The following PAPPA2 variants were observed in gnomAD, a reference collection of about 807,000 sequenced individuals.
PAPPA2 encodes the protein pappalysin-2.
In PAPPA2, 86 loss-of-function variants were observed where a neutral mutation model predicts 176.4. The ratio of observed to expected loss-of-function variants is 0.49; its 90% CI spans 0.41 to 0.58. The LOEUF (loss-of-function observed/expected upper bound fraction) is 0.58. Ranked by LOEUF, PAPPA2 falls within the 20% of genes least tolerant of loss-of-function variation. The pLI is 0.00. For missense variants in PAPPA2, 2,073 were observed against 2,256.9 expected, an observed-to-expected ratio of 0.92 and a Z score of 1.65; for synonymous variants, 809 against 852.2, an observed-to-expected ratio of 0.95 and a Z score of 0.88.
At chr1:176,592,292 A>G (rs2102646287) in intron 2 of PAPPA2, among the ~76,000 whole-genome samples, 1 of 152,326 alleles carries the variant, frequency 6.6e-6, no homozygotes, top group Admixed American at 6.5e-5. Flanking sequence ...TAGAGAGCAA[A>G]TAATCATTAC....
chr1:176,544,522 T>C (rs1230552503), intron 1 of PAPPA2, among the ~76,000 whole-genome samples: 1 of 152,158 alleles, frequency 6.6e-6, no homozygotes, highest in Non-Finnish European at 1.5e-5. Flanking sequence ...ATCCCGACTG[T>C]TTTTCTTTAT....
At chr1:176,698,126 C>T (rs773302285) in intron 7 of PAPPA2, among the ~76,000 whole-genome samples, 8 of 152,028 alleles carry the variant, frequency 5.3e-5, no homozygotes, top group Non-Finnish European at 1.0e-4. Context: ...AATGTTTGAA[C>T]TGGTTTTCTC....
intron 3 of PAPPA2, among the ~76,000 whole-genome samples, chr1:176,635,161 T>A (rs902810778): frequency 3.3e-5 from 5 of 152,100 alleles, no homozygotes; most frequent in African/African-American, 4.8e-5. Context: ...AGTTTTCAGG[T>A]TTTTTTCACC....
intron 1 of PAPPA2, among the ~76,000 whole-genome samples, chr1:176,519,482 T>G (rs923175621): frequency 6.6e-6 from 1 of 152,136 alleles, no homozygotes; most frequent in African/African-American, 2.4e-5. Context: ...GTGTATATCA[T>G]TTTTCTCATT....
intron 1 of PAPPA2, among the ~76,000 whole-genome samples, chr1:176,480,521 G>A (rs1348954205): frequency 6.6e-6 from 1 of 152,104 alleles, no homozygotes; most frequent in Non-Finnish European, 1.5e-5. Flanking sequence ...AAGGCAAGTA[G>A]GTGGTGGGGC....
intron 3 of PAPPA2, among the ~76,000 whole-genome samples, chr1:176,617,620 T>C (rs886868008): frequency 1.3e-5 from 2 of 152,120 alleles, no homozygotes; most frequent in Non-Finnish European, 2.9e-5. Flanking sequence ...TTCATTCTTT[T>C]ATATGGCTGA....
In PAPPA2 at chr1:176,556,982, A is replaced by T; in HGVS notation, c.660A>T (p.Gln220His). 1 of 1,614,058 alleles carries T rather than the reference A, an allele frequency of 6.2e-7. No homozygotes were observed. Among genetic ancestry groups the T allele is most frequent in the Non-Finnish European group, 8.5e-7 (1 of 1,180,006 alleles). Residue 220 changes from glutamine (Q) to histidine (H), a missense_variant, in exon 2 of 23, where the codon CAA (glutamine) becomes CAT (histidine). This residue lies in a region of PAPPA2 where 1,196 missense variants were observed against 1,330.4 expected (regional missense o/e 0.90). Coordinates refer to ENST00000367662, the MANE Select transcript of PAPPA2 (RefSeq NM_020318.3). ...ACTCCGGTATCTCTTCACATTTCCAACCTTGGCCCAAGCATTCCCTTAAAC... is the reference window on the plus strand; with the variant it reads ...ACTCCGGTATCTCTTCACATTTCCATCCTTGGCCCAAGCATTCCCTTAAAC... ...QGDSGISSHF[Q>H]PWPKHSLKHR... is the part of the protein sequence containing the mutation.
chr1:176,562,029 A>G (rs1408289221), intron 2 of PAPPA2, among the ~76,000 whole-genome samples: 8 of 152,114 alleles, frequency 5.3e-5, no homozygotes, highest in Non-Finnish European at 8.8e-5. Flanking sequence ...CACCCCCATG[A>G]TTCAATTACC....
At chr1:176,837,184 A>G (rs1353496727) in intron 21 of PAPPA2, among the ~76,000 whole-genome samples, 1 of 152,210 alleles carries the variant, frequency 6.6e-6, no homozygotes, top group Non-Finnish European at 1.5e-5. Flanking sequence ...CCTGGAACCC[A>G]GCTAGAAAAG....
At chr1:176,601,310 T>C (rs1177393607) in intron 3 of PAPPA2, among the ~76,000 whole-genome samples, 1 of 152,144 alleles carries the variant, frequency 6.6e-6, no homozygotes, top group Non-Finnish European at 1.5e-5. Context: ...CTTTTTTTCA[T>C]AAATTACCCA....
chr1:176,601,424 C>T (rs1308730799), intron 3 of PAPPA2, among the ~76,000 whole-genome samples: 2 of 152,192 alleles, frequency 1.3e-5, no homozygotes, highest in Admixed American at 1.3e-4. Context: ...CTCTCCCAAA[C>T]GCTCTGAGAG....
intron 3 of PAPPA2, among the ~76,000 whole-genome samples, chr1:176,667,020 C>T (rs1042764043): frequency 7.2e-5 from 11 of 151,942 alleles, no homozygotes; most frequent in African/African-American, 2.7e-4. Context: ...CCGAGGCGGG[C>T]AGATCATCTG....
intron 17 of PAPPA2, among the ~76,000 whole-genome samples, chr1:176,776,980 A>G (rs1253600521): frequency 1.3e-5 from 2 of 152,020 alleles, no homozygotes; most frequent in Non-Finnish European, 2.9e-5. Context: ...AATAAATGGT[A>G]AAATTAGGAT....
At chr1:176,560,803 C>T (rs1398913813) in intron 2 of PAPPA2, among the ~76,000 whole-genome samples, 1 of 152,226 alleles carries the variant, frequency 6.6e-6, no homozygotes, top group Non-Finnish European at 1.5e-5. Context: ...ATAGGTTCCT[C>T]CTCACCCATA....
chr1:176,752,198 CG>C (rs1298634891), intron 14 of PAPPA2, among the ~76,000 whole-genome samples: 2 of 100,610 alleles, frequency 2.0e-5, no homozygotes, highest in Non-Finnish European at 4.1e-5. Context: ...GTGGTGGGGT[CG>C]GGGGAGGGGG....
At chr1:176,506,037 A>G (rs1192353023) in intron 1 of PAPPA2, among the ~76,000 whole-genome samples, 1 of 152,104 alleles carries the variant, frequency 6.6e-6, no homozygotes, top group East Asian at 1.9e-4. Flanking sequence ...GTGAAAGATA[A>G]GCACCCAATT....
chr1:176,606,369 T>C (rs1244170717), intron 3 of PAPPA2, among the ~76,000 whole-genome samples: 1 of 152,160 alleles, frequency 6.6e-6, no homozygotes, highest in Non-Finnish European at 1.5e-5. Flanking sequence ...TGATTTTAAT[T>C]ATGTAATGAT....
chr1:176,562,570 G>C (rs1167914729), intron 2 of PAPPA2, among the ~76,000 whole-genome samples: 1 of 152,194 alleles, frequency 6.6e-6, no homozygotes, highest in African/African-American at 2.4e-5. Context: ...CTGTGGAACT[G>C]TGCAGTTCCC....
chr1:176,531,517 T>A (rs533429756), intron 1 of PAPPA2, among the ~76,000 whole-genome samples: 1 of 152,298 alleles, frequency 6.6e-6, no homozygotes, highest in Non-Finnish European at 1.5e-5. Flanking sequence ...CTGGATGTAG[T>A]ATTTGTCTGT....
Sources: gnomAD v4.1 joint callset for allele counts (sites outside exome capture counted in the v4.1 genomes callset) on GRCh38, gnomAD v4.1.1 for gene constraint, gnomAD v4.1.1 regional missense constraint, MANE v1.5 for transcripts, NCBI Gene and HGNC (gene_info 2026-07-23, HGNC 2026-07-21) for gene names.